The following MUC4 variants were observed in gnomAD, a reference collection of about 807,000 sequenced individuals.
MUC4 encodes mucin 4, cell surface associated.
In MUC4, 202 loss-of-function variants were observed where a neutral mutation model predicts 257.9. That is an observed-to-expected ratio of 0.78 (90% CI 0.70 to 0.88). MUC4 has a LOEUF of 0.88. MUC4 is among the 40% of genes least tolerant of loss of function. The pLI is 0.00. For missense variants in MUC4, 5,976 were observed against 6,513.7 expected, an observed-to-expected ratio of 0.92 and a Z score of 2.84; for synonymous variants, 2,351 against 2,757.1, an observed-to-expected ratio of 0.85 and a Z score of 4.62.
chr3:195,789,100 G>C lies in MUC4; in HGVS notation c.2480C>G (p.Thr827Arg). 6.2e-7 allele frequency: 1 copy of C among 1,613,234 alleles called. No individual in the cohort carries two copies. Among genetic ancestry groups the C allele is most frequent in the Non-Finnish European group, 8.5e-7 (1 of 1,179,468 alleles). ...GSEGISTSGE[T>R]TRFSSNPSRD... ...GGAGGGGTTTGATGAAAACCTTGTC[G>C]TCTCTCCTGAGGTGGATATTCCTTC... is the stretch of plus-strand genomic sequence containing the variant. The change falls in exon 2 of 25, where the codon ACG becomes AGG. Residue 827 changes from threonine to arginine, a missense_variant. Physicochemically the swap from Thr to Arg is moderately conservative, Grantham distance 71. Transcript: ENST00000463781.
intron 1 of MUC4, 108 bp downstream of exon 1, chr3:195,811,628 T>A: frequency 1.1e-6 from 1 of 936,820 alleles, no homozygotes; most frequent in African/African-American, 1.6e-5. Context: ...CCCTTTCCCC[T>A]ATTCTCTCTC....
chr3:195,803,622 A>G (rs923808723), intron 1 of MUC4, among the ~76,000 whole-genome samples: 2 of 152,360 alleles, frequency 1.3e-5, no homozygotes, highest in African/African-American at 4.8e-5. Flanking sequence ...TTTATAGCTT[A>G]TCTTGTTAAT....
At chr3:195,763,075 C>T in intron 12 of MUC4, 130 bp from the exon 13 acceptor site, 1 of 772,556 alleles carries the variant, frequency 1.3e-6, no homozygotes, top group East Asian at 2.8e-5. Flanking sequence ...AGGCCGCGGC[C>T]TGAGGTGATG....
In MUC4 at chr3:195,789,619, G is replaced by A; in HGVS notation, c.1961C>T (p.Ser654Phe). The A allele has an allele frequency of 1.2e-6, 2 of 1,614,018 alleles. No individual in the cohort carries two copies. The highest frequency in any genetic ancestry group is 1.7e-6 in the Non-Finnish European group (2 of 1,179,894). The change falls in exon 2 of 25, where the codon TCC becomes TTC. Residue 654 changes from serine (S) to phenylalanine (F), a missense_variant. Ser to Phe is a radical substitution (Grantham distance 155). Coordinates refer to ENST00000463781, the MANE Select transcript of MUC4 (RefSeq NM_018406.7). Reference sequence around the variant, plus strand: ...CTTGGTGTCAGTCATGGGGGAGACGGACCTCGTGGTTTGTGATTCTTGTGT... The same window carrying A: ...CTTGGTGTCAGTCATGGGGGAGACGAACCTCGTGGTTTGTGATTCTTGTGT... ...QTTQESQTTR[S>F]VSPMTDTKTV...
rs1012042831 is a variant in MUC4 at position 195,788,461 on chromosome 3, G to T, written c.3119C>A (p.Pro1040His). 1.8e-5 allele frequency: 27 copies of T among 1,524,954 alleles called. 2 individuals are homozygous for T. The highest frequency in any genetic ancestry group is 2.3e-5 in the Non-Finnish European group (26 of 1,127,822). 94.5% of individuals were successfully genotyped at this position (1,524,954 alleles called of 1,614,324 possible). A position where few individuals can be genotyped will look rare whatever the true frequency, so the allele number is the denominator to read the frequency against. Reference protein sequence around the residue: ...TSSESTGHVTPLPVTSFSSAS... With the variant: ...TSSESTGHVTHLPVTSFSSAS... ...TGAGGAAAAGCTGGTGACAGGAAGA[G>T]GGGTGACGTGACCTGTGGATTCTGA... The change falls in exon 2 of 25, where the codon CCT becomes CAT. Residue 1040 changes from proline (P) to histidine (H), a missense_variant. Pro to His is a moderately conservative substitution (Grantham distance 77). Around this residue, in one of 44 missense-constraint regions of MUC4, gnomAD observed 1,583 missense variants for 1,257.4 expected, o/e 1.26. Coordinates refer to ENST00000463781, the MANE Select transcript of MUC4 (RefSeq NM_018406.7).
At chr3:195,769,308 G>T in intron 6 of MUC4, 156 bp from the exon 7 acceptor site, 1 of 1,179,626 alleles carries the variant, frequency 8.5e-7, no homozygotes, top group Non-Finnish European at 1.2e-6. Context: ...ATGCTGGCAA[G>T]TTTTGGGTCA....
At chr3:195,776,175 T>TCATACCTTCCACACC (rs1724641382) in intron 3 of MUC4, among the ~76,000 whole-genome samples, 2 of 29,766 alleles carry the variant, frequency 6.7e-5, no homozygotes, top group African/African-American at 1.0e-4. Context: ...CCTTCCACAG[T>TCATACCTTCCACACC]CATACCTTCC....
Position 195,782,862 on chromosome 3 carries a change from G to A in MUC4, c.8718C>T (p.Ser2906=), listed in dbSNP as rs1223016794. ...CAGGAAGAGGCGTGGTGTCACCTGT[G>A]GATACTGAGGAAAGGCTGGTGAGAG... ...PLPLTSLSSV[S]TGDTTPLPVT... Residue 2906 remains serine, a synonymous_variant, in exon 2 of 25, where the codon TCC becomes TCT. Transcript: ENST00000463781. 1 of 1,522,790 alleles carries A rather than the reference G, an allele frequency of 6.6e-7. No individual in the cohort carries two copies. The highest frequency in any genetic ancestry group is 8.9e-7 in the Non-Finnish European group (1 of 1,128,092). 94.3% of individuals were successfully genotyped at this position (1,522,790 alleles called of 1,614,324 possible). A position where few individuals can be genotyped will look rare whatever the true frequency, so the allele number is the denominator to read the frequency against.
chr3:195,794,015 G>T (rs946973553), intron 1 of MUC4, among the ~76,000 whole-genome samples: 6 of 151,764 alleles, frequency 4.0e-5, no homozygotes, highest in African/African-American at 1.5e-4. Flanking sequence ...GGCCAAGGTG[G>T]GAGGATCACT....
chr3:195,749,155 T>G, intron 23 of MUC4, 91 bp from the exon 24 acceptor site: 1 of 1,481,376 alleles, frequency 6.8e-7, no homozygotes, highest in Non-Finnish European at 9.2e-7. Flanking sequence ...CGGGTGTTTA[T>G]CCTGAGAAAT....
chr3:195,765,515 T>C lies in MUC4; in HGVS notation c.13619-66A>G. On this transcript the variant is annotated intron_variant, in intron 8 of 24. Transcript: ENST00000463781. ...GGGGCTGCAGGCCCTGTCTCAGCTT[T>C]AGGGTCAACCAAAACTCACAAATGC... 3 of 1,502,554 alleles carry C rather than the reference T, an allele frequency of 2.0e-6. No homozygotes were observed. In the South Asian group the frequency reaches 3.8e-5, roughly 19 times the overall value. The allele number at this position is 1,502,554 out of a possible 1,614,324, so 93.1% of individuals were successfully genotyped here. A position where few individuals can be genotyped will look rare whatever the true frequency, so the allele number is the denominator to read the frequency against.
In MUC4 at chr3:195,810,197, G is replaced by A. The variant is rs1736520242; in HGVS notation, c.82+1539C>T. 6.6e-6 allele frequency: 1 copy of A among 152,336 alleles called. No homozygotes were observed. The allele number at this position is 152,336 out of a possible 1,614,324, so 9.4% of individuals were successfully genotyped here. On this transcript the variant is annotated intron_variant, in intron 1 of 24. Transcript: ENST00000463781. This position sits in a 1 kb window ranked among gnomAD's most constrained non-coding sequence, Gnocchi z 4.2. The stretch of plus-strand genomic sequence containing the variant: ...TCAGCCTAGTCCTGAAACATCCCGA[G>A]GTGGAAGGGTCCGCTTCACCAGCAT...
At chr3:195,749,102 G>C (rs774574774) in intron 23 of MUC4, 38 bp from the exon 24 acceptor site, 1 of 1,600,962 alleles carries the variant, frequency 6.2e-7, no homozygotes, top group Non-Finnish European at 8.5e-7. Flanking sequence ...GAAAGCAACC[G>C]ATGAACACTA....
chr3:195,781,116 A>G lies in MUC4; in HGVS notation c.10464T>C (p.Pro3488=). 6.8e-7 allele frequency: 1 copy of G among 1,479,076 alleles called. No individual in the cohort carries two copies. The highest frequency in any genetic ancestry group is 1.6e-5 in the African/African-American group (1 of 60,746). 91.6% of individuals were successfully genotyped at this position (1,479,076 alleles called of 1,614,324 possible). The stretch of plus-strand genomic sequence containing the variant: ...CTGAGGAAGGGATGGTGACATGAAG[A>G]GGGGTGGTGTGACCTGTAGATGCTG... ...PSSASTGHTT[P]LHVTIPSSAS... The change falls in exon 2 of 25, where the codon CCT becomes CCC. Residue 3488 remains proline (P), a synonymous_variant. Coordinates refer to ENST00000463781, the MANE Select transcript of MUC4 (RefSeq NM_018406.7).
rs1384924239 is a variant in MUC4, at chr3:195,765,399, A to G, written c.13669T>C (p.Tyr4557His). The stretch of plus-strand genomic sequence containing the variant: ...AGCCACTGCAGGCACTCGAGACGGT[A>G]GTTGGGCCTTTCTTCCCGGTGTAGC... Reference protein sequence around the residue: ...YRLHREERPNYRLECLQWLKS... With the variant: ...YRLHREERPNHRLECLQWLKS... The change falls in exon 9 of 25, where the codon TAC becomes CAC. Residue 4557 changes from tyrosine (Y) to histidine (H), a missense_variant. Physicochemically the swap from Tyr to His is moderately conservative, Grantham distance 83. Transcript: ENST00000463781. 6.2e-7 allele frequency: 1 copy of G among 1,613,562 alleles called. No homozygotes were observed. Among genetic ancestry groups the G allele is most frequent in the Non-Finnish European group, 8.5e-7 (1 of 1,180,000 alleles).
At chr3:195,773,652 C>T (rs1183842320) in intron 4 of MUC4, among the ~76,000 whole-genome samples, 22 of 121,124 alleles carry the variant, frequency 1.8e-4, no homozygotes, top group African/African-American at 5.6e-4. Flanking sequence ...CTCGCCATCG[C>T]TCAGCAGGTG....
Position 195,779,627 on chromosome 3 carries a change from G to T in MUC4, c.11953C>A (p.Leu3985Ile). ...SSASTGHATP[L>I]PVTDTSSVST... is the part of the protein sequence containing the mutation. ...ACTGAGGAAGTGTCGGTGACAGGAAGGGGGGTGGCGTGACCTGTGGATGCT... is the reference window on the plus strand; with the variant it reads ...ACTGAGGAAGTGTCGGTGACAGGAATGGGGGTGGCGTGACCTGTGGATGCT... The change falls in exon 2 of 25, where the codon CTT (leucine) becomes ATT (isoleucine). Residue 3985 changes from leucine (L) to isoleucine (I), a missense_variant. Leu to Ile is a conservative substitution (Grantham distance 5, BLOSUM62 2). Around this residue, in one of 44 missense-constraint regions of MUC4, gnomAD observed 293 missense variants for 294.5 expected, o/e 1.00. Transcript: ENST00000463781. 1 of 1,055,898 alleles carries T rather than the reference G, an allele frequency of 9.5e-7. No individual in the cohort carries two copies. The highest frequency in any genetic ancestry group is 1.3e-6 in the Non-Finnish European group (1 of 783,198). 65.4% of individuals were successfully genotyped at this position (1,055,898 alleles called of 1,614,324 possible).
rs1733858435 is a variant in MUC4, at chr3:195,791,483, T to G, written c.97A>C (p.Thr33Pro). ...GCAGTTTTACTTCCAGTTATTAATGTGTCCTCTGTGGTTCCTGGAGTGAAC... is the reference window on the plus strand; with the variant it reads ...GCAGTTTTACTTCCAGTTATTAATGGGTCCTCTGTGGTTCCTGGAGTGAAC... ...PHVVPGTTED[T>P]LITGSKTAAP... The change falls in exon 2 of 25, where the codon ACA becomes CCA. Residue 33 changes from threonine to proline, a missense_variant. By Grantham distance (38) the Thr-to-Pro change is conservative (BLOSUM62 -1). Transcript: ENST00000463781. 1 of 1,613,246 alleles carries G rather than the reference T, an allele frequency of 6.2e-7. No homozygotes were observed. The highest frequency in any genetic ancestry group is 8.5e-7 in the Non-Finnish European group (1 of 1,179,432).
intron 1 of MUC4, among the ~76,000 whole-genome samples, chr3:195,795,673 G>A (rs899415792): frequency 2.6e-5 from 4 of 151,634 alleles, no homozygotes; most frequent in African/African-American, 7.3e-5. Flanking sequence ...GGAACCGCCA[G>A]CAAAAAAGGT....
Sources: gnomAD v4.1 joint callset for allele counts (sites outside exome capture counted in the v4.1 genomes callset) on GRCh38, gnomAD v4.1.1 for gene constraint, gnomAD v4.1.1 regional missense constraint, Gnocchi (gnomAD v3.1) non-coding constraint, MANE v1.5 for transcripts, NCBI Gene and HGNC (gene_info 2026-07-23, HGNC 2026-07-21) for gene names.